Variants in LTN1 observed in about 807,000 individuals in gnomAD.
LTN1 encodes listerin E3 ubiquitin protein ligase 1.
In LTN1, 88 loss-of-function variants were observed where a neutral mutation model predicts 201.2. That is an observed-to-expected ratio of 0.44 (90% CI 0.37 to 0.52). The LOEUF is 0.52. Among genes scored for constraint, LTN1 ranks in the 20% least tolerant of loss-of-function variants. The pLI is 0.00. For missense variants in LTN1, 1,752 were observed against 2,038.7 expected, an observed-to-expected ratio of 0.86 and a Z score of 2.71; for synonymous variants, 645 against 713.5, an observed-to-expected ratio of 0.90 and a Z score of 1.53.
At chr21:28,946,635 G>A (rs1405541380) in intron 19 of LTN1, among the ~76,000 whole-genome samples, 1 of 152,162 alleles carries the variant, frequency 6.6e-6, no homozygotes, top group Non-Finnish European at 1.5e-5. Context: ...CAGCTACAGA[G>A]TAGCTGGAAA....
At chr21:28,963,136 C>A (rs2084493637) in intron 11 of LTN1, among the ~76,000 whole-genome samples, 1 of 152,212 alleles carries the variant, frequency 6.6e-6, no homozygotes, top group African/African-American at 2.4e-5. Flanking sequence ...GCATGTTATA[C>A]AGAAGATCTA....
intron 25 of LTN1, among the ~76,000 whole-genome samples, chr21:28,937,010 A>G (rs2084262058): frequency 6.6e-6 from 1 of 152,148 alleles, no homozygotes; most frequent in Non-Finnish European, 1.5e-5. Flanking sequence ...CCTGCTTAAA[A>G]CTAATCCCAT....
rs1490551757 is a variant in LTN1, at chr21:28,984,917, A to G, written c.351T>C (p.His117=). The G allele has an allele frequency of 1.9e-6, 3 of 1,608,130 alleles. No individual in the cohort carries two copies. The highest frequency in any genetic ancestry group is 1.3e-5 in the African/African-American group (1 of 74,356). ...GTGTGGCTTCTCGGACGCGACGGTC[A>G]TGATCCTATTAAAAATATAAATGTG... ...PRIFCKISLD[H]DRRVREATQQ... The change falls in exon 4 of 30, where the codon CAT becomes CAC. Residue 117 remains histidine, a synonymous_variant. Transcript: ENST00000361371.
chr21:28,971,592 T>A, intron 6 of LTN1, 148 bp from the exon 7 acceptor site: 1 of 677,230 alleles, frequency 1.5e-6, no homozygotes, highest in South Asian at 2.1e-5. Flanking sequence ...TCTTAGAGTA[T>A]GAAATGGCTG....
At chr21:28,991,718 A>G (rs1370150291) in intron 1 of LTN1, among the ~76,000 whole-genome samples, 4 of 152,260 alleles carry the variant, frequency 2.6e-5, no homozygotes, top group South Asian at 2.1e-4. Flanking sequence ...GCACAGTAAC[A>G]CAACAGGTTG....
Position 28,956,955 on chromosome 21 carries a change from AAAG to A in LTN1, c.2893-10_2893-8del, listed in dbSNP as rs1178740459. On this transcript the variant is annotated splice_region_variant and splice_polypyrimidine_tract_variant and intron_variant, in intron 15 of 29. Transcript: ENST00000361371. ...AAAGAGGTCTATGTAACCACTGTGA[AAAG>A]AATACGTTATATACAAAATTATTTA... 2.6e-6 allele frequency: 4 copies of A among 1,538,932 alleles called. No individual in the cohort carries two copies. Among genetic ancestry groups the A allele is most frequent in the Non-Finnish European group, 3.5e-6 (4 of 1,133,144 alleles).
Position 28,928,920 on chromosome 21 carries a change from G to A in LTN1, c.*1528C>T, listed in dbSNP as rs913299630. 2.0e-5 allele frequency: 3 copies of A among 152,526 alleles called. No homozygotes were observed. Among genetic ancestry groups the A allele is most frequent in the African/African-American group, 7.2e-5 (3 of 41,428 alleles). 9.4% of individuals were successfully genotyped at this position (152,526 alleles called of 1,614,324 possible). On this transcript the variant is annotated 3_prime_UTR_variant, in exon 30 of 30. Transcript: ENST00000361371. ...TCCTTTGGGATTACTATGTCAGAAA[G>A]AGACATAGAAAGATAGAGAATATTT... is the stretch of plus-strand genomic sequence containing the variant.
At chr21:28,942,179 C>G (rs2084302480) in intron 24 of LTN1, among the ~76,000 whole-genome samples, 2 of 152,156 alleles carry the variant, frequency 1.3e-5, no homozygotes, top group Non-Finnish European at 2.9e-5. Context: ...GCTCTTAGGT[C>G]TTTTCCTTCA....
intron 13 of LTN1, 97 bp downstream of exon 13, chr21:28,959,361 A>G: frequency 9.2e-6 from 13 of 1,419,480 alleles, no homozygotes; most frequent in Non-Finnish European, 9.5e-6. Context: ...ACTTTCAAAC[A>G]CATTATAATT....
At chr21:28,946,934 T>C (rs9941785) in intron 19 of LTN1, among the ~76,000 whole-genome samples, 42,033 of 152,096 alleles carry the variant, frequency 0.28, 6,112 homozygotes, top group South Asian at 0.33. Context: ...AGTAGAAATA[T>C]TTCTCTTTGT....
In LTN1 at chr21:28,981,117, A is replaced by G. The variant is rs1218381418; in HGVS notation, c.810+2T>C. 2 of 1,516,428 alleles carry G rather than the reference A, an allele frequency of 1.3e-6. No individual in the cohort carries two copies. The highest frequency in any genetic ancestry group is 1.8e-6 in the Non-Finnish European group (2 of 1,133,186). 93.9% of individuals were successfully genotyped at this position (1,516,428 alleles called of 1,614,324 possible). On this transcript the variant is annotated splice_donor_variant, in intron 6 of 29. Transcript: ENST00000361371. LOFTEE classifies it high-confidence loss of function. ...GTCTTAAGATAAAAAAGATTAATATACCTGAGGTACACTGTGTTTTCCATA... is the reference window on the plus strand; with the variant it reads ...GTCTTAAGATAAAAAAGATTAATATGCCTGAGGTACACTGTGTTTTCCATA...
intron 11 of LTN1, chr21:28,964,772 T>C (rs796781316): frequency 8.4e-6 from 13 of 1,549,224 alleles, no homozygotes; most frequent in African/African-American, 5.5e-5. Context: ...CATTCCTAAG[T>C]TGGAAATGGA....
Position 28,958,552 on chromosome 21 carries a change from T to A in LTN1, c.2594-13A>T. On this transcript the variant is annotated splice_polypyrimidine_tract_variant and intron_variant, in intron 13 of 29. Coordinates refer to ENST00000361371, the MANE Select transcript of LTN1 (RefSeq NM_015565.3). ...CAGATAAGAAAATCTAAAATCAAGA[T>A]GTCAACAGGAATTTGTAATCTCACT... is the stretch of plus-strand genomic sequence containing the variant. 1 of 1,579,390 alleles carries A rather than the reference T, an allele frequency of 6.3e-7. No homozygotes were observed. The highest frequency in any genetic ancestry group is 1.2e-5 in the South Asian group (1 of 86,290).
At chr21:28,960,855 G>T (rs1397297551) in intron 11 of LTN1, 149 bp from the exon 12 acceptor site, 1 of 587,804 alleles carries the variant, frequency 1.7e-6, no homozygotes, top group Non-Finnish European at 3.0e-6. Flanking sequence ...TAGGAAGACT[G>T]GTATCCTCCC....
intron 18 of LTN1, 90 bp downstream of exon 18, chr21:28,952,070 T>G: frequency 1.5e-6 from 1 of 674,938 alleles, no homozygotes; most frequent in Non-Finnish European, 2.5e-6. Flanking sequence ...CCTGTTTTCT[T>G]GATTCATTAG....
intron 18 of LTN1, among the ~76,000 whole-genome samples, chr21:28,948,978 A>G (rs75231111): frequency 6.6e-6 from 1 of 152,346 alleles, no homozygotes; most frequent in East Asian, 1.9e-4. Flanking sequence ...AAAACACATA[A>G]TCAACTTATA....
At chr21:28,991,325 G>A (rs2084744278) in intron 1 of LTN1, among the ~76,000 whole-genome samples, 1 of 151,760 alleles carries the variant, frequency 6.6e-6, no homozygotes, top group African/African-American at 2.4e-5. Flanking sequence ...AACATTATTG[G>A]GATAACTACA....
At chr21:28,960,910 G>T in intron 11 of LTN1, 4 of 361,156 alleles carry the variant, frequency 1.1e-5, no homozygotes, top group Admixed American at 9.1e-5. Context: ...ACGCTTTGCT[G>T]TTACCTTCCC....
Position 28,986,528 on chromosome 21 carries a change from T to G in LTN1, c.246+203A>C. On this transcript the variant is annotated intron_variant, in intron 2 of 29. Transcript: ENST00000361371. This position sits in a 1 kb window ranked among gnomAD's most constrained non-coding sequence, Gnocchi z 4.1. ...ATACAGCCAAAATTCCAAAGCACTTTAAAAAAGTTCACTGTAACAAACTAA... is the reference window on the plus strand; with the variant it reads ...ATACAGCCAAAATTCCAAAGCACTTGAAAAAAGTTCACTGTAACAAACTAA... 1.5e-6 allele frequency: 1 copy of G among 655,492 alleles called. No individual in the cohort carries two copies. 40.6% of individuals were successfully genotyped at this position (655,492 alleles called of 1,614,324 possible).
Sources: gnomAD v4.1 joint callset for allele counts (sites outside exome capture counted in the v4.1 genomes callset) on GRCh38, gnomAD v4.1.1 for gene constraint, Gnocchi (gnomAD v3.1) non-coding constraint, MANE v1.5 for transcripts, NCBI Gene and HGNC (gene_info 2026-07-23, HGNC 2026-07-21) for gene names.